The following RABEP1 variants were observed in gnomAD, a reference collection of about 807,000 sequenced individuals.
RABEP1 encodes the protein rabaptin, RAB GTPase binding effector protein 1, also known as rab GTPase-binding effector protein 1.
Under a neutral mutation model 123.4 loss-of-function variants are expected in RABEP1, and 51 were observed. That is an observed-to-expected ratio of 0.41 (90% CI 0.33 to 0.52). RABEP1 has a LOEUF of 0.52. Ranked by LOEUF, RABEP1 falls within the 20% of genes least tolerant of loss-of-function variation. The pLI is 0.16. For synonymous variants in RABEP1, 347 were observed against 355.2 expected, an observed-to-expected ratio of 0.98 and a Z score of 0.26; for missense variants, 888 against 996.3, an observed-to-expected ratio of 0.89 and a Z score of 1.46.
chr17:5,335,735 C>G (rs1007342528), intron 4 of RABEP1, among the ~76,000 whole-genome samples: 10 of 152,056 alleles, frequency 6.6e-5, no homozygotes, highest in African/African-American at 2.2e-4. Context: ...TCTTTCCTTG[C>G]TAAAATATAA....
rs1304516521 is a variant in RABEP1 at position 5,383,048 on chromosome 17, C to G, written c.2488-74C>G. 12 of 1,186,326 alleles carry G rather than the reference C, an allele frequency of 1.0e-5. No homozygotes were observed. In the East Asian group the frequency reaches 2.6e-4, roughly 25 times the overall value. The allele number at this position is 1,186,326 out of a possible 1,614,324, so 73.5% of individuals were successfully genotyped here. ...ACTCTGGTGAGTTAATCTGCTACAT[C>G]TCAGCTAAACCAGTCAAAGTTCAGA... On this transcript the variant is annotated intron_variant, in intron 17 of 17. Coordinates refer to ENST00000537505, the MANE Select transcript of RABEP1 (RefSeq NM_004703.6).
chr17:5,309,931 C>T (rs2075219932), intron 2 of RABEP1, among the ~76,000 whole-genome samples: 1 of 152,162 alleles, frequency 6.6e-6, no homozygotes, highest in African/African-American at 2.4e-5. Flanking sequence ...GGATTTGGGT[C>T]CAGCTGCACA....
chr17:5,367,747 A>G (rs1384147560), intron 11 of RABEP1, among the ~76,000 whole-genome samples: 2 of 149,392 alleles, frequency 1.3e-5, no homozygotes, highest in African/African-American at 4.9e-5. Context: ...GTGAAATAAA[A>G]TTTTCTCTCT....
intron 13 of RABEP1, among the ~76,000 whole-genome samples, chr17:5,374,747 C>A (rs1910846521): frequency 6.6e-6 from 1 of 152,214 alleles, no homozygotes. Context: ...TCAAGTGATT[C>A]TCCTGCCTCA....
intron 2 of RABEP1, among the ~76,000 whole-genome samples, chr17:5,315,135 A>G (rs933230002): frequency 2.0e-5 from 3 of 152,256 alleles, no homozygotes; most frequent in Non-Finnish European, 2.9e-5. Context: ...CAGAATTTCA[A>G]TAGTGAAAAG....
intron 2 of RABEP1, among the ~76,000 whole-genome samples, chr17:5,330,635 G>A (rs765220774): frequency 6.6e-5 from 10 of 152,118 alleles, no homozygotes; most frequent in Non-Finnish European, 1.3e-4. Context: ...GGTCAGTTTG[G>A]CTCAGTTATT....
chr17:5,380,362 AG>A lies in RABEP1; in HGVS notation c.2272-1del. 6.4e-7 allele frequency: 1 copy of A among 1,552,228 alleles called. No homozygotes were observed. The highest frequency in any genetic ancestry group is 1.2e-5 in the South Asian group (1 of 83,634). ...GAGTTTCAGCTTTTTCCTTTTTCAC[AG>A]TTGGAGTCCACATTAAGAGAGAAGT... On this transcript the variant is annotated splice_acceptor_variant, in intron 15 of 17. Coordinates refer to ENST00000537505, the MANE Select transcript of RABEP1 (RefSeq NM_004703.6). LOFTEE classifies it high-confidence loss of function.
chr17:5,376,178 G>T (rs372057564), intron 13 of RABEP1, among the ~76,000 whole-genome samples: 1 of 152,076 alleles, frequency 6.6e-6, no homozygotes, highest in Non-Finnish European at 1.5e-5. Context: ...AATCCAGGCC[G>T]GGCACAGTGG....
intron 2 of RABEP1, among the ~76,000 whole-genome samples, chr17:5,327,088 C>A (rs1906051603): frequency 1.3e-5 from 2 of 152,164 alleles, no homozygotes; most frequent in Admixed American, 1.3e-4. Flanking sequence ...TGGCTCACGC[C>A]TGTAATCCCA....
At chr17:5,286,998 G>T (rs940846752) in intron 1 of RABEP1, among the ~76,000 whole-genome samples, 1 of 152,198 alleles carries the variant, frequency 6.6e-6, no homozygotes, top group African/African-American at 2.4e-5. Flanking sequence ...TCTAGGCAGG[G>T]ATCAGTTTTT....
intron 8 of RABEP1, among the ~76,000 whole-genome samples, chr17:5,359,231 G>A (rs112949045): frequency 5.9e-5 from 9 of 152,034 alleles, no homozygotes; most frequent in African/African-American, 1.4e-4. Context: ...CTGCCACCAC[G>A]CCTGGCTAAT....
rs2074932304 is a variant in RABEP1 at position 5,282,358 on chromosome 17, C to T, written c.-129C>T. 5.5e-6 allele frequency: 4 copies of T among 728,200 alleles called. No homozygotes were observed. In the East Asian group the frequency reaches 1.4e-4, roughly 25 times the overall value. 45.1% of individuals were successfully genotyped at this position (728,200 alleles called of 1,614,324 possible). On this transcript the variant is annotated 5_prime_UTR_variant, in exon 1 of 18. Coordinates refer to ENST00000537505, the MANE Select transcript of RABEP1 (RefSeq NM_004703.6). ...GCTGTGGCGGCGCCGGCGGATCCAGCCTTAGCGGTTTCTCTCTGGGCGGCG... is the reference window on the plus strand; with the variant it reads ...GCTGTGGCGGCGCCGGCGGATCCAGTCTTAGCGGTTTCTCTCTGGGCGGCG...
rs1332641327 is a variant in RABEP1, at chr17:5,384,515, T to C, written c.*1292T>C. On this transcript the variant is annotated 3_prime_UTR_variant, in exon 18 of 18. Transcript: ENST00000537505. ...CCTGAAAGAGCCTTCTGGGAGTTAG[T>C]GAACTAGGTAGATTGTTTTGTTCAC... 2.3e-5 allele frequency: 5 copies of C among 216,058 alleles called. No homozygotes were observed. The highest frequency in any genetic ancestry group is 4.7e-5 in the Non-Finnish European group (5 of 107,410). 13.4% of individuals were successfully genotyped at this position (216,058 alleles called of 1,614,324 possible). A position where few individuals can be genotyped will look rare whatever the true frequency, so the allele number is the denominator to read the frequency against.
chr17:5,365,602 C>T (rs969504161), intron 11 of RABEP1, among the ~76,000 whole-genome samples: 1 of 151,914 alleles, frequency 6.6e-6, no homozygotes, highest in Admixed American at 6.6e-5. Context: ...ATACACCAAA[C>T]ATACCAGAAC....
At chr17:5,366,609 C>G (rs767745092) in intron 11 of RABEP1, among the ~76,000 whole-genome samples, 3 of 151,926 alleles carry the variant, frequency 2.0e-5, no homozygotes, top group Non-Finnish European at 2.9e-5. Context: ...CCACACCTGG[C>G]TAATTTTTGT....
chr17:5,344,726 C>T (rs1410998525), intron 5 of RABEP1, among the ~76,000 whole-genome samples: 4 of 127,184 alleles, frequency 3.1e-5, no homozygotes, highest in East Asian at 2.6e-4. Flanking sequence ...GTGCCGAGAT[C>T]GTGCCTCTGC....
chr17:5,285,195 T>G (rs1388743671), intron 1 of RABEP1, among the ~76,000 whole-genome samples: 2 of 152,206 alleles, frequency 1.3e-5, no homozygotes, highest in African/African-American at 4.8e-5. Context: ...CTGTTTTCCC[T>G]TGAGAATTTA....
rs928399380 is a variant in RABEP1, at chr17:5,323,792, A to T, written c.164-8157A>T. Among the ~76,000 whole-genome samples, 96 of 108,664 alleles carry T rather than the reference A, an allele frequency of 8.8e-4. 1 individual carries two copies. Among genetic ancestry groups the T allele is most frequent in the Non-Finnish European group, 1.4e-3 (74 of 54,500 alleles). 71.3% of individuals were successfully genotyped at this position (108,664 alleles called of 152,430 possible). A position where few individuals can be genotyped will look rare whatever the true frequency, so the allele number is the denominator to read the frequency against. The stretch of plus-strand genomic sequence containing the variant: ...TATATATCTAGGAATATATATATAT[A>T]TCTAGGAATATATATATATATCTAG... On this transcript the variant is annotated intron_variant, in intron 2 of 17. Coordinates refer to ENST00000537505, the MANE Select transcript of RABEP1 (RefSeq NM_004703.6).
At position 5,363,032 on chromosome 17, in the gene RABEP1, A is replaced by G; in HGVS notation, c.1668+16A>G. The G allele has an allele frequency of 6.4e-7, 1 of 1,569,044 alleles. No homozygotes were observed. The highest frequency in any genetic ancestry group is 1.4e-5 in the African/African-American group (1 of 74,012). Reference sequence around the variant, plus strand: ...GAGAGACCAGGTGAGTTTCTTCTGGATGCGCCAAATTGGATATTGTCGTTT... The same window carrying G: ...GAGAGACCAGGTGAGTTTCTTCTGGGTGCGCCAAATTGGATATTGTCGTTT... On this transcript the variant is annotated intron_variant, in intron 10 of 17. Coordinates refer to ENST00000537505, the MANE Select transcript of RABEP1 (RefSeq NM_004703.6).
Sources: gnomAD v4.1 joint callset for allele counts (sites outside exome capture counted in the v4.1 genomes callset) on GRCh38, gnomAD v4.1.1 for gene constraint, MANE v1.5 for transcripts, NCBI Gene and HGNC (gene_info 2026-07-23, HGNC 2026-07-21) for gene names.